The following NAA50 variants were observed in gnomAD, a reference collection of about 807,000 sequenced individuals.
NAA50 encodes N-alpha-acetyltransferase 50, NatE catalytic subunit.
In NAA50, 7 loss-of-function variants were observed where a neutral mutation model predicts 20.7. The ratio of observed to expected loss-of-function variants is 0.34; its 90% CI spans 0.19 to 0.63. The LOEUF (loss-of-function observed/expected upper bound fraction) is 0.63, where lower values mean the gene tolerates loss of function less well. Ranked by LOEUF, NAA50 falls within the 30% of genes least tolerant of loss-of-function variation. The probability of loss-of-function intolerance (pLI) is 0.75; values close to 1 mark genes in which losing one functional copy is unlikely to be tolerated. For missense variants in NAA50, 111 were observed against 199.1 expected (o/e 0.56, Z 2.66); for synonymous variants, 54 against 70.6 (o/e 0.77, Z 1.18).
chr3:113,741,609 T>C (rs1052430261), intron 1 of NAA50, among the ~76,000 whole-genome samples: 2 of 152,240 alleles, frequency 1.3e-5, no homozygotes, highest in African/African-American at 4.8e-5. Context: ...ACTGATCACA[T>C]GTGCAATAAT....
chr3:113,722,036 T>G, intron 4 of NAA50, 99 bp from the exon 5 acceptor site: 1 of 1,089,074 alleles, frequency 9.2e-7, no homozygotes, highest in Admixed American at 2.7e-5. Context: ...TTACATTCTC[T>G]TTACAACTAC....
chr3:113,721,428 G>C lies in NAA50; in HGVS notation c.*332C>G. 1 of 291,950 alleles carries C rather than the reference G, an allele frequency of 3.4e-6. No homozygotes were observed. Among genetic ancestry groups the C allele is most frequent in the South Asian group, 4.0e-5 (1 of 24,930 alleles). The allele number at this position is 291,950 out of a possible 1,614,324, so 18.1% of individuals were successfully genotyped here. On this transcript the variant is annotated 3_prime_UTR_variant, in exon 5 of 5. Transcript: ENST00000240922. ...AAATATACAATGTTTTGTAGGCTCT[G>C]CCCTTCAATGTGAAAGCAGGACATT...
intron 1 of NAA50, among the ~76,000 whole-genome samples, chr3:113,731,063 T>C (rs1347571681): frequency 6.6e-6 from 1 of 152,210 alleles, no homozygotes; most frequent in African/African-American, 2.4e-5. Context: ...TTATTGTGGT[T>C]TTTAATTTGC....
At chr3:113,737,440 T>G (rs1262615451) in intron 1 of NAA50, among the ~76,000 whole-genome samples, 3 of 152,256 alleles carry the variant, frequency 2.0e-5, no homozygotes, top group Non-Finnish European at 2.9e-5. Flanking sequence ...TCACACAGTT[T>G]CAACACTAAC....
rs1353684910 is a variant in NAA50 at position 113,719,007 on chromosome 3, A to G, written c.*2753T>C. ...TCACAGATCACTACCAGAACATCAC[A>G]TAAGTTTATTTCAGATGTAACAGCA... On this transcript the variant is annotated 3_prime_UTR_variant, in exon 5 of 5. Transcript: ENST00000240922. 1 of 152,784 alleles carries G rather than the reference A, an allele frequency of 6.5e-6. No individual in the cohort carries two copies. Among genetic ancestry groups the G allele is most frequent in the African/African-American group, 2.4e-5 (1 of 41,594 alleles). 9.5% of individuals were successfully genotyped at this position (152,784 alleles called of 1,614,324 possible).
intron 2 of NAA50, 29 bp from the exon 3 acceptor site, chr3:113,723,570 T>A: frequency 6.3e-7 from 1 of 1,582,912 alleles, no homozygotes; most frequent in African/African-American, 1.4e-5. Context: ...AGATATAATG[T>A]TGAACAGACA....
Position 113,719,818 on chromosome 3 carries a change from G to C in NAA50, c.*1942C>G, listed in dbSNP as rs1476244133. The C allele has an allele frequency of 1.3e-5, 2 of 152,584 alleles. No homozygotes were observed. Among genetic ancestry groups the C allele is most frequent in the African/African-American group, 4.8e-5 (2 of 41,448 alleles). The allele number at this position is 152,584 out of a possible 1,614,324, so 9.5% of individuals were successfully genotyped here. Reference sequence around the variant, plus strand: ...TCCAGGTGAAATGGTTATAGAAATAGAGGCAGTGTCATCTCAGAAAACCAT... The same window carrying C: ...TCCAGGTGAAATGGTTATAGAAATACAGGCAGTGTCATCTCAGAAAACCAT... On this transcript the variant is annotated 3_prime_UTR_variant, in exon 5 of 5. Coordinates refer to ENST00000240922, the MANE Select transcript of NAA50 (RefSeq NM_025146.4).
rs114388557 is a variant in NAA50 at position 113,735,163 on chromosome 3, C to T, written c.8+10779G>A. Among the ~76,000 whole-genome samples, 695 of 152,080 alleles carry T rather than the reference C, an allele frequency of 4.6e-3. 12 individuals are homozygous for T. The highest frequency in any genetic ancestry group is 0.016 in the African/African-American group (672 of 41,472). On this transcript the variant is annotated intron_variant, in intron 1 of 4. Transcript: ENST00000240922. ...ATGTAAGAAACACTTGAATTTTAGA[C>T]GTAAAAGAACAGGAACCTACAAAGA...
chr3:113,731,594 C>A (rs1264542530), intron 1 of NAA50, among the ~76,000 whole-genome samples: 1 of 152,144 alleles, frequency 6.6e-6, no homozygotes, highest in Non-Finnish European at 1.5e-5. Context: ...TCATTACAGT[C>A]TCAAAATTCC....
chr3:113,720,822 T>C lies in NAA50; in HGVS notation c.*938A>G. 1 of 152,386 alleles carries C rather than the reference T, an allele frequency of 6.6e-6. No individual in the cohort carries two copies. Among genetic ancestry groups the C allele is most frequent in the South Asian group, 2.1e-4 (1 of 4,832 alleles). The allele number at this position is 152,386 out of a possible 1,614,324, so 9.4% of individuals were successfully genotyped here. A position where few individuals can be genotyped will look rare whatever the true frequency, so the allele number is the denominator to read the frequency against. ...AAGCTTCCTTTTAGGTATTTTTTAG[T>C]ATGTCCAAGAGAAAACACCTGCTTC... On this transcript the variant is annotated 3_prime_UTR_variant, in exon 5 of 5. Transcript: ENST00000240922.
At chr3:113,730,685 A>C (rs1233622771) in intron 1 of NAA50, among the ~76,000 whole-genome samples, 1 of 152,216 alleles carries the variant, frequency 6.6e-6, no homozygotes, top group East Asian at 1.9e-4. Context: ...AAATGGAATC[A>C]CAAAATACAT....
chr3:113,723,697 A>ATGGCAT, intron 2 of NAA50, 156 bp from the exon 3 acceptor site: 1 of 962,570 alleles, frequency 1.0e-6, no homozygotes, highest in Non-Finnish European at 1.5e-6. Flanking sequence ...CCATCTTAGG[A>ATGGCAT]AGTTTAAGCC....
Position 113,746,074 on chromosome 3 carries a change from G to C in NAA50, c.-125C>G, listed in dbSNP as rs1577075790. 3 of 1,333,608 alleles carry C rather than the reference G, an allele frequency of 2.2e-6. No homozygotes were observed. In the East Asian group the frequency reaches 8.1e-5, roughly 36 times the overall value. 82.6% of individuals were successfully genotyped at this position (1,333,608 alleles called of 1,614,324 possible). ...CAAGCCGGCCTCCTAGCCTGGGCAGGGAGCTGTGCGAGCAACGAAGGCCGC... is the reference window on the plus strand; with the variant it reads ...CAAGCCGGCCTCCTAGCCTGGGCAGCGAGCTGTGCGAGCAACGAAGGCCGC... On this transcript the variant is annotated 5_prime_UTR_variant, in exon 1 of 5. Coordinates refer to ENST00000240922, the MANE Select transcript of NAA50 (RefSeq NM_025146.4).
At chr3:113,723,562 A>G in intron 2 of NAA50, 21 bp from the exon 3 acceptor site, 1 of 1,594,182 alleles carries the variant, frequency 6.3e-7, no homozygotes, top group Non-Finnish European at 8.5e-7. Flanking sequence ...AAACATAAAG[A>G]TATAATGTTG....
At chr3:113,737,509 A>G (rs1201870489) in intron 1 of NAA50, among the ~76,000 whole-genome samples, 1 of 152,182 alleles carries the variant, frequency 6.6e-6, no homozygotes, top group Admixed American at 6.5e-5. Context: ...GAACTATATT[A>G]CCGTTTCTGT....
intron 1 of NAA50, among the ~76,000 whole-genome samples, chr3:113,733,514 AT>A (rs1414726806): frequency 6.6e-6 from 1 of 152,128 alleles, no homozygotes; most frequent in Non-Finnish European, 1.5e-5. Context: ...AATATAAGGT[AT>A]TGTAATTGTT....
At position 113,718,862 on chromosome 3, in the gene NAA50, A is replaced by G. The variant is rs1708097163; in HGVS notation, c.*2898T>C. 1 of 152,620 alleles carries G rather than the reference A, an allele frequency of 6.6e-6. No individual in the cohort carries two copies. The highest frequency in any genetic ancestry group is 6.5e-5 in the Admixed American group (1 of 15,284). 9.5% of individuals were successfully genotyped at this position (152,620 alleles called of 1,614,324 possible). A position where few individuals can be genotyped will look rare whatever the true frequency, so the allele number is the denominator to read the frequency against. ...TAATTACACTTGGCCTATTTTAATG[A>G]TTTTAAAATTAGATCTTAAATGTGA... On this transcript the variant is annotated 3_prime_UTR_variant, in exon 5 of 5. Transcript: ENST00000240922.
chr3:113,741,525 G>C (rs886813743), intron 1 of NAA50, among the ~76,000 whole-genome samples: 2 of 152,224 alleles, frequency 1.3e-5, no homozygotes, highest in South Asian at 4.1e-4. Context: ...TATCGCTTCA[G>C]ATATCACACA....
chr3:113,729,138 A>G (rs1708238589), intron 1 of NAA50, among the ~76,000 whole-genome samples: 1 of 151,830 alleles, frequency 6.6e-6, no homozygotes, highest in African/African-American at 2.4e-5. Context: ...AGCATGTGCC[A>G]CCACTCCTAA....
Sources: allele counts gnomAD v4.1 joint callset (sites outside exome capture counted in the v4.1 genomes callset), GRCh38; gene constraint gnomAD v4.1.1; transcripts MANE v1.5; gene names NCBI Gene and HGNC (gene_info 2026-07-23, HGNC 2026-07-21).